The following ERC2 variants were observed in gnomAD, a reference collection of about 807,000 sequenced individuals.
The protein encoded by ERC2 is ELKS/RAB6-interacting/CAST family member 2.
Under a neutral mutation model 114.8 loss-of-function variants are expected in ERC2, and 42 were observed. That is an observed-to-expected ratio of 0.37 (90% confidence interval 0.29 to 0.47). ERC2 has a LOEUF of 0.47. Among genes scored for constraint, ERC2 ranks in the 20% least tolerant of loss-of-function variants. The probability of loss-of-function intolerance (pLI) is 0.99; values close to 1 mark genes in which losing one functional copy is unlikely to be tolerated. For synonymous variants in ERC2, 454 were observed against 425.5 expected (o/e 1.07, Z -0.82); for missense variants, 939 against 1,150.7 (o/e 0.82, Z 2.66).
At chr3:56,010,194 A>T (rs974665348) in intron 9 of ERC2, among the ~76,000 whole-genome samples, 8 of 152,202 alleles carry the variant, frequency 5.3e-5, no homozygotes, top group Non-Finnish European at 2.9e-5. Context: ...ATGTGGTAAG[A>T]CATAAAGAAA....
chr3:56,329,204 C>T (rs2057498021), intron 2 of ERC2, among the ~76,000 whole-genome samples: 1 of 152,158 alleles, frequency 6.6e-6, no homozygotes, highest in Admixed American at 6.5e-5. Context: ...TATAAATGGC[C>T]TAAATTATAA....
intron 2 of ERC2, among the ~76,000 whole-genome samples, chr3:56,421,715 G>A (rs1300173266): frequency 2.6e-5 from 4 of 152,188 alleles, no homozygotes; most frequent in Non-Finnish European, 4.4e-5. Flanking sequence ...TGGCTTTGTT[G>A]ATATTCCTCA....
At chr3:56,168,179 AC>A (rs1445921766) in intron 4 of ERC2, among the ~76,000 whole-genome samples, 1 of 152,084 alleles carries the variant, frequency 6.6e-6, no homozygotes, top group African/African-American at 2.4e-5. Flanking sequence ...ATCCTCTCTA[AC>A]CCGTAGCTTT....
At chr3:56,430,574 G>A (rs1259415509) in intron 2 of ERC2, among the ~76,000 whole-genome samples, 2 of 152,160 alleles carry the variant, frequency 1.3e-5, no homozygotes, top group Non-Finnish European at 2.9e-5. Flanking sequence ...GATCACTTGA[G>A]CCTAGGAGTT....
intron 7 of ERC2, among the ~76,000 whole-genome samples, chr3:56,049,759 A>G: frequency 6.6e-6 from 1 of 151,826 alleles, no homozygotes; most frequent in East Asian, 1.9e-4. Flanking sequence ...TTGCAGATGG[A>G]CTATTGTGGG....
intron 17 of ERC2, among the ~76,000 whole-genome samples, chr3:55,555,218 T>C (rs888545840): frequency 6.6e-6 from 1 of 152,208 alleles, no homozygotes; most frequent in Non-Finnish European, 1.5e-5. Flanking sequence ...CCACAACTAC[T>C]GTAAATGTTT....
In ERC2 at chr3:55,699,515, G is replaced by T. The variant is rs927233101; in HGVS notation, c.2713-3C>A. ...ATCAACTTCATTCTGTTCTGGGTCT[G>T]TGCAGAACAAAAACCAAGGAAGATT... On this transcript the variant is annotated splice_polypyrimidine_tract_variant and splice_region_variant and intron_variant, in intron 15 of 17. Coordinates refer to ENST00000288221, the MANE Select transcript of ERC2 (RefSeq NM_015576.3). 1 of 1,596,904 alleles carries T rather than the reference G, an allele frequency of 6.3e-7. No individual in the cohort carries two copies.
At chr3:56,383,248 C>T (rs1273302717) in intron 2 of ERC2, among the ~76,000 whole-genome samples, 1 of 152,152 alleles carries the variant, frequency 6.6e-6, no homozygotes. Context: ...CCTGTTAAAA[C>T]ATCCCATCGC....
intron 14 of ERC2, among the ~76,000 whole-genome samples, chr3:55,755,990 A>T (rs2067032997): frequency 6.6e-6 from 1 of 152,074 alleles, no homozygotes; most frequent in Admixed American, 6.6e-5. Flanking sequence ...CATTTTCGAA[A>T]ATCTAAACTC....
At chr3:55,720,561 A>T (rs1042237567) in intron 15 of ERC2, among the ~76,000 whole-genome samples, 1 of 151,990 alleles carries the variant, frequency 6.6e-6, no homozygotes, top group African/African-American at 2.4e-5. Context: ...TTGGGATTAC[A>T]GGTGTGAGCC....
chr3:55,678,128 G>A (rs533574575), intron 17 of ERC2, among the ~76,000 whole-genome samples: 40 of 152,242 alleles, frequency 2.6e-4, no homozygotes, highest in African/African-American at 9.4e-4. Context: ...AGGAAGTGGG[G>A]ACAGAGATAA....
intron 2 of ERC2, among the ~76,000 whole-genome samples, chr3:56,363,566 C>T (rs1262378404): frequency 1.3e-5 from 2 of 151,808 alleles, no homozygotes; most frequent in South Asian, 4.2e-4. Flanking sequence ...CTTCTAGTGA[C>T]CAGAGTAACT....
chr3:56,115,758 C>T (rs1350061322), intron 6 of ERC2, among the ~76,000 whole-genome samples: 1 of 152,054 alleles, frequency 6.6e-6, no homozygotes, highest in Middle Eastern at 3.2e-3. Context: ...GAGACTGCCC[C>T]TCCCAGAGCT....
intron 15 of ERC2, among the ~76,000 whole-genome samples, chr3:55,714,825 C>A (rs1345590337): frequency 1.4e-5 from 2 of 139,934 alleles, no homozygotes; most frequent in African/African-American, 5.3e-5. Flanking sequence ...AATATTCAAT[C>A]AGGTACAAGA....
intron 13 of ERC2, among the ~76,000 whole-genome samples, chr3:55,897,974 T>A (rs552707966): frequency 6.6e-6 from 1 of 152,218 alleles, no homozygotes; most frequent in East Asian, 1.9e-4. Context: ...TGCAAACAAA[T>A]GCCCACATTA....
intron 16 of ERC2, among the ~76,000 whole-genome samples, chr3:55,687,068 T>C (rs545086458): frequency 6.6e-6 from 1 of 152,296 alleles, no homozygotes; most frequent in South Asian, 2.1e-4. Context: ...TTGATGGAAA[T>C]CCTGTAGTCC....
chr3:56,238,556 C>T (rs1414996448), intron 3 of ERC2, among the ~76,000 whole-genome samples: 3 of 152,242 alleles, frequency 2.0e-5, no homozygotes, highest in Non-Finnish European at 4.4e-5. Flanking sequence ...TGCCACACAG[C>T]CTCTTTAGTC....
At chr3:55,857,886 T>C (rs1171429195) in intron 14 of ERC2, among the ~76,000 whole-genome samples, 1 of 152,194 alleles carries the variant, frequency 6.6e-6, no homozygotes, top group Non-Finnish European at 1.5e-5. Flanking sequence ...TCACATCCCA[T>C]CTATTCTACG....
chr3:56,448,802 G>A (rs1464802456), intron 1 of ERC2, among the ~76,000 whole-genome samples: 1 of 152,096 alleles, frequency 6.6e-6, no homozygotes, highest in Non-Finnish European at 1.5e-5. Context: ...TTGGCCGGGC[G>A]CGGTGGCTCA....
Sources: allele counts gnomAD v4.1 joint callset (sites outside exome capture counted in the v4.1 genomes callset), GRCh38; gene constraint gnomAD v4.1.1; transcripts MANE v1.5; gene names NCBI Gene and HGNC (gene_info 2026-07-23, HGNC 2026-07-21).